Variants in EP300 observed in about 807,000 individuals in gnomAD.
EP300 encodes the protein EP300 lysine acetyltransferase.
EP300 carries 31 observed loss-of-function variants against 264.0 expected under a neutral mutation model. The observed-to-expected ratio is 0.12, with a 90% confidence interval of 0.09 to 0.16. The LOEUF (loss-of-function observed/expected upper bound fraction) is 0.16. Among genes scored for constraint, EP300 ranks in the 10% least tolerant of loss-of-function variants. The probability of loss-of-function intolerance (pLI) is 1.00; values close to 1 mark genes in which losing one functional copy is unlikely to be tolerated. For synonymous variants in EP300, 1,340 were observed against 1,045.4 expected, an observed-to-expected ratio of 1.28 and a Z score of -5.44; for missense variants, 2,766 against 3,052.9, an observed-to-expected ratio of 0.91 and a Z score of 2.21.
At chr22:41,173,398 C>G (rs913742322) in intron 28 of EP300, among the ~76,000 whole-genome samples, 3 of 152,172 alleles carry the variant, frequency 2.0e-5, no homozygotes, top group Admixed American at 6.5e-5. Flanking sequence ...GTGGCCTCTT[C>G]TAGGCAAAAA....
intron 2 of EP300, 57 bp downstream of exon 2, chr22:41,117,878 T>C: frequency 6.2e-7 from 1 of 1,610,806 alleles, no homozygotes; most frequent in Non-Finnish European, 8.5e-7. Flanking sequence ...ATTGTCATGA[T>C]GGATGGAGGG....
At position 41,146,422 on chromosome 22, in the gene EP300, C is replaced by T. The variant is rs905514225; in HGVS notation, c.2054-317C>T. The T allele has an allele frequency of 2.6e-5, 9 of 350,542 alleles. No homozygotes were observed. The East Asian group carries it at 4.3e-4, about 17-fold the overall frequency. 21.7% of individuals were successfully genotyped at this position (350,542 alleles called of 1,614,324 possible). On this transcript the variant is annotated intron_variant, in intron 10 of 30. Coordinates refer to ENST00000263253, the MANE Select transcript of EP300 (RefSeq NM_001429.4). ...CCTCAAGTGATCCACCCACCTCAGCCTCCCAAAGTGCCAGGATTACAGGCG... is the reference window on the plus strand; with the variant it reads ...CCTCAAGTGATCCACCCACCTCAGCTTCCCAAAGTGCCAGGATTACAGGCG...
intron 1 of EP300, among the ~76,000 whole-genome samples, chr22:41,094,283 C>T (rs540414188): frequency 2.6e-5 from 4 of 152,294 alleles, no homozygotes; most frequent in South Asian, 2.1e-4. Flanking sequence ...CTCCATCTGC[C>T]AGTGAGAGTG....
rs2059214487 is a variant in EP300, at chr22:41,178,200, C to T, written c.6489C>T (p.Pro2163=). 1 of 1,613,982 alleles carries T rather than the reference C, an allele frequency of 6.2e-7. No homozygotes were observed. The highest frequency in any genetic ancestry group is 1.3e-5 in the African/African-American group (1 of 74,908). The stretch of plus-strand genomic sequence containing the variant: ...AGCCACCCATGGGAGGGATGAGCCC[C>T]CAGGCTCAGCAGATGAACATGAACC... ...QLQPPMGGMS[P]QAQQMNMNHN... Residue 2163 remains proline, a synonymous_variant, in exon 31 of 31, where the codon CCC becomes CCT. Coordinates refer to ENST00000263253, the MANE Select transcript of EP300 (RefSeq NM_001429.4).
intron 3 of EP300, among the ~76,000 whole-genome samples, chr22:41,126,729 CTTTTTTTTTTTTTTTT>C (rs71328775): frequency 1.2e-4 from 6 of 48,794 alleles, no homozygotes; most frequent in African/African-American, 4.5e-4. Context: ...GAAATGTTCA[CTTTTTTTTTTTTTTTT>C]TTTTTTTTTT....
intron 27 of EP300, 59 bp downstream of exon 27, chr22:41,170,630 C>T (rs2059164162): frequency 3.5e-6 from 4 of 1,128,840 alleles, no homozygotes; most frequent in Non-Finnish European, 5.3e-6. Flanking sequence ...ACTAATGTTG[C>T]TGCTCTTTGT....
At chr22:41,126,249 A>G (rs1191606768) in intron 3 of EP300, 1 of 575,906 alleles carries the variant, frequency 1.7e-6, no homozygotes, top group African/African-American at 1.9e-5. Context: ...ATCAGTGAGC[A>G]TGTTGATCCA....
intron 9 of EP300, among the ~76,000 whole-genome samples, 166 bp from the exon 10 acceptor site, chr22:41,140,882 A>C (rs2058978399): frequency 6.6e-6 from 1 of 152,220 alleles, no homozygotes; most frequent in South Asian, 2.1e-4. Context: ...TGTTCACGGT[A>C]GTTCAGATTC....
At chr22:41,165,651 G>A (rs984773260) in intron 22 of EP300, among the ~76,000 whole-genome samples, 3 of 152,148 alleles carry the variant, frequency 2.0e-5, no homozygotes, top group Non-Finnish European at 4.4e-5. Context: ...TTGAACTCCC[G>A]ACCTCAGGTG....
intron 10 of EP300, among the ~76,000 whole-genome samples, chr22:41,143,591 T>G (rs923124917): frequency 1.3e-5 from 2 of 152,194 alleles, no homozygotes; most frequent in Non-Finnish European, 2.9e-5. Context: ...TTTTGTTTTT[T>G]TTTTGAAACA....
intron 2 of EP300, among the ~76,000 whole-genome samples, chr22:41,119,407 C>T (rs116792283): frequency 6.6e-6 from 1 of 151,948 alleles, no homozygotes; most frequent in African/African-American, 2.4e-5. Context: ...TTATTAAGTA[C>T]CTCTTCTAGG....
Position 41,125,904 on chromosome 22 carries a change from A to C in EP300, c.770A>C (p.Tyr257Ser). The C allele has an allele frequency of 6.2e-7, 1 of 1,614,248 alleles. No individual in the cohort carries two copies. Among genetic ancestry groups the C allele is most frequent in the Non-Finnish European group, 8.5e-7 (1 of 1,180,040 alleles). The change falls in exon 3 of 31, where the codon TAT becomes TCT. Residue 257 changes from tyrosine (Y) to serine (S), a missense_variant. Tyr to Ser is a moderately radical substitution (Grantham distance 144). Transcript: ENST00000263253. ...AACCCCAATCCTTATGGTTCACCAT[A>C]TACTCAGAATCCTGGACAGCAGATT... ...MNNPNPYGSP[Y>S]TQNPGQQIGA...
intron 6 of EP300, 130 bp downstream of exon 6, chr22:41,131,763 G>T: frequency 7.4e-7 from 1 of 1,342,430 alleles, no homozygotes; most frequent in Non-Finnish European, 1.0e-6. Flanking sequence ...AAAGATTACA[G>T]TGTAAAAGGT....
intron 6 of EP300, among the ~76,000 whole-genome samples, chr22:41,133,059 G>A (rs1200642487): frequency 6.6e-6 from 1 of 152,078 alleles, no homozygotes; most frequent in Non-Finnish European, 1.5e-5. Context: ...GTCCAGGTTG[G>A]TCTTGAACTC....
At chr22:41,162,605 T>C (rs1943394914) in intron 20 of EP300, 118 bp from the exon 21 acceptor site, 1 of 752,806 alleles carries the variant, frequency 1.3e-6, no homozygotes, top group Admixed American at 2.1e-5. Flanking sequence ...TATTTAAATG[T>C]GTATTCTTAA....
chr22:41,164,016 T>C lies in EP300; in HGVS notation c.3729-37T>C, dbSNP rs769122205. On this transcript the variant is annotated intron_variant, in intron 21 of 30. Coordinates refer to ENST00000263253, the MANE Select transcript of EP300 (RefSeq NM_001429.4). ...ATTGCAAGTTTTCATTTGGTTAAGG[T>C]TTGGGGTTAATTTTGGAATTGGCTC... 1.9e-6 allele frequency: 3 copies of C among 1,594,470 alleles called. No individual in the cohort carries two copies. In the African/African-American group the frequency reaches 4.0e-5, roughly 21 times the overall value.
chr22:41,111,714 A>G (rs950632920), intron 1 of EP300, among the ~76,000 whole-genome samples: 11 of 150,690 alleles, frequency 7.3e-5, no homozygotes, highest in African/African-American at 2.4e-4. Flanking sequence ...CTAATTTTGT[A>G]TTTTTGGTAG....
Position 41,169,635 on chromosome 22 carries a change from T to A in EP300, c.4286+19T>A. The A allele has an allele frequency of 2.8e-6, 4 of 1,437,304 alleles. No homozygotes were observed. The highest frequency in any genetic ancestry group is 3.9e-6 in the Non-Finnish European group (4 of 1,023,058). The allele number at this position is 1,437,304 out of a possible 1,614,324, so 89.0% of individuals were successfully genotyped here. ...AATTAGGGTAAGCATATTTTGATAATGGCTTTTTTTCTTTAACTAGCATGG... is the reference window on the plus strand; with the variant it reads ...AATTAGGGTAAGCATATTTTGATAAAGGCTTTTTTTCTTTAACTAGCATGG... On this transcript the variant is annotated intron_variant, in intron 26 of 30. Transcript: ENST00000263253.
At chr22:41,120,302 G>GAGACCCCCATCTCC (rs1364892337) in intron 2 of EP300, among the ~76,000 whole-genome samples, 2 of 151,948 alleles carry the variant, frequency 1.3e-5, no homozygotes, top group Non-Finnish European at 2.9e-5. Flanking sequence ...GCAACATAGT[G>GAGACCCCCATCTCC]AGACCCCCAT....
Sources: allele counts gnomAD v4.1 joint callset (sites outside exome capture counted in the v4.1 genomes callset), GRCh38; gene constraint gnomAD v4.1.1; transcripts MANE v1.5; gene names NCBI Gene and HGNC (gene_info 2026-07-23, HGNC 2026-07-21).